Variants in PLCL1 observed in about 807,000 individuals in gnomAD.
The protein encoded by PLCL1 is phospholipase C like 1 (inactive), also known as inactive phospholipase C-like protein 1.
PLCL1 carries 41 observed loss-of-function variants against 84.4 expected under a neutral mutation model. The observed-to-expected ratio is 0.49, with a 90% confidence interval of 0.38 to 0.63. The LOEUF (loss-of-function observed/expected upper bound fraction) is 0.63. PLCL1 is among the 30% of genes least tolerant of loss of function. The pLI is 0.00. For missense variants in PLCL1, 1,206 were observed against 1,367.8 expected (o/e 0.88, Z 1.87); for synonymous variants, 490 against 488.3 (o/e 1.00, Z -0.05).
intron 1 of PLCL1, among the ~76,000 whole-genome samples, chr2:198,070,215 A>G (rs1692427430): frequency 6.6e-6 from 1 of 152,194 alleles, no homozygotes; most frequent in African/African-American, 2.4e-5. Context: ...ACTTTGGGAT[A>G]TACTTAAATC....
intron 1 of PLCL1, among the ~76,000 whole-genome samples, chr2:197,976,227 T>C (rs187483796): frequency 1.3e-5 from 2 of 152,212 alleles, no homozygotes; most frequent in Non-Finnish European, 2.9e-5. Flanking sequence ...AGAACTTGTG[T>C]TGTGAATTCC....
chr2:197,981,635 G>A lies in PLCL1; in HGVS notation c.241-102123G>A, dbSNP rs1690108944. 2.0e-5 allele frequency among the ~76,000 whole-genome samples: 3 copies of A among 152,194 alleles called. No individual in the cohort carries two copies. The South Asian group carries it at 6.2e-4, about 32-fold the overall frequency. On this transcript the variant is annotated intron_variant, in intron 1 of 5. Coordinates refer to ENST00000428675, the MANE Select transcript of PLCL1 (RefSeq NM_006226.4). ...TACGTAGAATTTTTGATGAGACTGT[G>A]ATGGCTAAAGGGAGGGAGGAAGTTC...
At chr2:198,034,305 C>G (rs1691502423) in intron 1 of PLCL1, among the ~76,000 whole-genome samples, 2 of 152,186 alleles carry the variant, frequency 1.3e-5, no homozygotes, top group South Asian at 4.1e-4. Flanking sequence ...TCATCTATGT[C>G]CCTACAAAGG....
chr2:197,824,831 G>A (rs1690895281), intron 1 of PLCL1, among the ~76,000 whole-genome samples: 1 of 151,946 alleles, frequency 6.6e-6, no homozygotes, highest in East Asian at 1.9e-4. Flanking sequence ...ACTCTTTCGA[G>A]CTGTTCAGTT....
At chr2:198,133,139 A>G (rs1694165150) in intron 5 of PLCL1, among the ~76,000 whole-genome samples, 2 of 151,870 alleles carry the variant, frequency 1.3e-5, no homozygotes, top group African/African-American at 4.8e-5. Flanking sequence ...ATGTCCAACA[A>G]TGATAGACTG....
intron 1 of PLCL1, among the ~76,000 whole-genome samples, chr2:197,882,108 T>A (rs1474283755): frequency 6.6e-6 from 1 of 152,110 alleles, no homozygotes; most frequent in African/African-American, 2.4e-5. Context: ...TAAAACATTT[T>A]AAAAATTGTT....
At chr2:197,920,248 A>G (rs1044335512) in intron 1 of PLCL1, among the ~76,000 whole-genome samples, 9 of 151,894 alleles carry the variant, frequency 5.9e-5, no homozygotes, top group African/African-American at 2.2e-4. Context: ...TGTTCCACAG[A>G]CTGTCTCAGA....
intron 1 of PLCL1, among the ~76,000 whole-genome samples, chr2:198,054,482 G>C (rs78647375): frequency 3.3e-5 from 5 of 152,336 alleles, no homozygotes; most frequent in Non-Finnish European, 7.3e-5. Flanking sequence ...GCCCAGAAGG[G>C]AATGCCCCCT....
At chr2:198,028,019 A>T (rs1028449954) in intron 1 of PLCL1, among the ~76,000 whole-genome samples, 1 of 151,822 alleles carries the variant, frequency 6.6e-6, no homozygotes, top group Non-Finnish European at 1.5e-5. Flanking sequence ...TTGTTCATTT[A>T]TTGTAGAGAT....
At chr2:198,114,803 G>GTGTGTGTC (rs151016486) in intron 5 of PLCL1, among the ~76,000 whole-genome samples, 2 of 151,568 alleles carry the variant, frequency 1.3e-5, no homozygotes, top group East Asian at 3.9e-4. Context: ...GAATGTGTGT[G>GTGTGTGTC]TGTGTGTGCA....
chr2:197,975,147 C>CAAAAAAA (rs71015804), intron 1 of PLCL1, among the ~76,000 whole-genome samples: 2 of 19,904 alleles, frequency 1.0e-4, no homozygotes, highest in Admixed American at 6.3e-4. Flanking sequence ...GACTCCATCT[C>CAAAAAAA]AAAAAAAAAA....
At chr2:197,844,709 A>C (rs1687086679) in intron 1 of PLCL1, among the ~76,000 whole-genome samples, 1 of 152,078 alleles carries the variant, frequency 6.6e-6, no homozygotes, top group Non-Finnish European at 1.5e-5. Flanking sequence ...AATACAGTGA[A>C]TCAATATTGT....
At chr2:198,035,336 G>A (rs1402961138) in intron 1 of PLCL1, among the ~76,000 whole-genome samples, 1 of 152,208 alleles carries the variant, frequency 6.6e-6, no homozygotes, top group Non-Finnish European at 1.5e-5. Flanking sequence ...AAGAAGCAAT[G>A]ATAATTCAGT....
intron 1 of PLCL1, among the ~76,000 whole-genome samples, chr2:198,001,039 G>T (rs1690588674): frequency 6.6e-6 from 1 of 152,110 alleles, no homozygotes; most frequent in South Asian, 2.1e-4. Context: ...GAGAGATGTG[G>T]TGTTTTCTGT....
At chr2:197,944,284 T>C (rs149936297) in intron 1 of PLCL1, among the ~76,000 whole-genome samples, 33 of 152,300 alleles carry the variant, frequency 2.2e-4, no homozygotes, top group Middle Eastern at 6.8e-3. Context: ...GTCAGGGGAA[T>C]GCAACCTGAA....
intron 5 of PLCL1, among the ~76,000 whole-genome samples, chr2:198,109,281 A>G (rs1574318749): frequency 6.6e-6 from 1 of 151,810 alleles, no homozygotes; most frequent in African/African-American, 2.4e-5. Flanking sequence ...CTGAAGGGAA[A>G]GAAAGGCAAA....
At chr2:197,945,195 A>T (rs1017300659) in intron 1 of PLCL1, among the ~76,000 whole-genome samples, 23 of 152,216 alleles carry the variant, frequency 1.5e-4, no homozygotes, top group African/African-American at 5.5e-4. Flanking sequence ...ATTTCAGATC[A>T]GAGGATGCTT....
At chr2:197,949,517 GA>G (rs1689348021) in intron 1 of PLCL1, among the ~76,000 whole-genome samples, 3 of 152,256 alleles carry the variant, frequency 2.0e-5, no homozygotes, top group Admixed American at 2.0e-4. Flanking sequence ...CCCTATTTGT[GA>G]AAATACCTTG....
At chr2:198,009,662 T>G (rs1420905457) in intron 1 of PLCL1, among the ~76,000 whole-genome samples, 2 of 152,004 alleles carry the variant, frequency 1.3e-5, no homozygotes, top group South Asian at 2.1e-4. Flanking sequence ...TTGGCTCTTT[T>G]GGGCCCCTTA....
Sources: allele counts gnomAD v4.1 joint callset (sites outside exome capture counted in the v4.1 genomes callset), GRCh38; gene constraint gnomAD v4.1.1; transcripts MANE v1.5; gene names NCBI Gene and HGNC (gene_info 2026-07-23, HGNC 2026-07-21).